PSD3: variants seen among roughly 807,000 people sequenced by gnomAD.
PSD3 encodes pleckstrin and Sec7 domain containing 3, also known as PH and SEC7 domain-containing protein 3.
PSD3 carries 49 observed loss-of-function variants against 105.5 expected under a neutral mutation model. The ratio of observed to expected loss-of-function variants is 0.46; its 90% CI spans 0.37 to 0.59. The LOEUF (loss-of-function observed/expected upper bound fraction) is 0.59. Ranked by LOEUF, PSD3 falls within the 20% of genes least tolerant of loss-of-function variation. The pLI is 0.00. For synonymous variants in PSD3, 557 were observed against 457.8 expected (o/e 1.22, Z -2.77); for missense variants, 1,561 against 1,263.8 (o/e 1.24, Z -3.57).
chr8:18,614,908 T>C (rs1042809100), intron 11 of PSD3, among the ~76,000 whole-genome samples: 1 of 151,930 alleles, frequency 6.6e-6, no homozygotes, highest in Non-Finnish European at 1.5e-5. Flanking sequence ...AGTGTTGAAA[T>C]TACAGGTGTG....
chr8:18,844,985 T>C (rs1814968359), intron 4 of PSD3, among the ~76,000 whole-genome samples: 1 of 152,216 alleles, frequency 6.6e-6, no homozygotes, highest in Non-Finnish European at 1.5e-5. Flanking sequence ...TGTACAGCCA[T>C]GGATGGCTCA....
intron 1 of PSD3, among the ~76,000 whole-genome samples, chr8:18,955,172 C>T (rs1361956050): frequency 6.6e-6 from 1 of 152,174 alleles, no homozygotes; most frequent in East Asian, 1.9e-4. Context: ...GAAGATTCCC[C>T]CGGCATCTCC....
At chr8:18,928,728 GTTTC>G (rs779955366) in intron 2 of PSD3, among the ~76,000 whole-genome samples, 26 of 143,900 alleles carry the variant, frequency 1.8e-4, no homozygotes, top group Admixed American at 3.5e-4. Flanking sequence ...TTCCTTCCTT[GTTTC>G]TTTCTTTCTT....
At chr8:19,007,867 G>A (rs986359900) in intron 1 of PSD3, among the ~76,000 whole-genome samples, 2 of 151,566 alleles carry the variant, frequency 1.3e-5, no homozygotes, top group Non-Finnish European at 2.9e-5. Flanking sequence ...TTTTTGAGAG[G>A]GAGTCTCGCT....
intron 9 of PSD3, chr8:18,763,004 A>C (rs1585879766): frequency 8.5e-6 from 8 of 938,062 alleles, no homozygotes; most frequent in Non-Finnish European, 1.2e-5. Flanking sequence ...TGGTTTCAGC[A>C]TCTTCTCCAA....
chr8:18,692,144 C>T (rs1222039101), intron 9 of PSD3, among the ~76,000 whole-genome samples: 1 of 152,182 alleles, frequency 6.6e-6, no homozygotes, highest in Non-Finnish European at 1.5e-5. Context: ...GACAAAACAT[C>T]TGTTTAAATT....
At chr8:19,029,903 T>C (rs1827698965) in intron 1 of PSD3, among the ~76,000 whole-genome samples, 1 of 152,248 alleles carries the variant, frequency 6.6e-6, no homozygotes, top group African/African-American at 2.4e-5. Context: ...AGTTTCTAAA[T>C]TAAAATCTTA....
At chr8:18,745,224 C>T (rs1240979659) in intron 9 of PSD3, among the ~76,000 whole-genome samples, 1 of 152,148 alleles carries the variant, frequency 6.6e-6, no homozygotes, top group East Asian at 1.9e-4. Context: ...CCTGTTTCTT[C>T]CCTAACTTTC....
chr8:18,907,305 T>C (rs1482822505), intron 2 of PSD3, among the ~76,000 whole-genome samples: 2 of 152,118 alleles, frequency 1.3e-5, no homozygotes, highest in African/African-American at 4.8e-5. Flanking sequence ...CCCTATATGA[T>C]GGTACAATTT....
chr8:18,985,122 T>C (rs914457873), intron 1 of PSD3, among the ~76,000 whole-genome samples: 1 of 152,142 alleles, frequency 6.6e-6, no homozygotes, highest in Admixed American at 6.5e-5. Flanking sequence ...TTAGTGGAGA[T>C]GGGGTTTCGC....
At chr8:18,562,588 ACTCAAAAC>A (rs1240472239) in intron 14 of PSD3, among the ~76,000 whole-genome samples, 1 of 151,934 alleles carries the variant, frequency 6.6e-6, no homozygotes, top group Non-Finnish European at 1.5e-5. Flanking sequence ...TCCAAATTCC[ACTCAAAAC>A]CTCTGTTACA....
chr8:18,797,250 G>C (rs1022454151), intron 8 of PSD3, among the ~76,000 whole-genome samples: 6 of 152,008 alleles, frequency 3.9e-5, no homozygotes, highest in Non-Finnish European at 8.8e-5. Context: ...TTAAAACAGA[G>C]AACTACTTAT....
intron 11 of PSD3, among the ~76,000 whole-genome samples, chr8:18,616,717 G>A (rs1022686166): frequency 4.2e-5 from 6 of 142,068 alleles, no homozygotes; most frequent in Admixed American, 2.2e-4. Flanking sequence ...TCCGCCTCCC[G>A]GGTTCACGCC....
chr8:18,707,962 T>A (rs1194378751), intron 9 of PSD3, among the ~76,000 whole-genome samples: 9 of 152,234 alleles, frequency 5.9e-5, no homozygotes, highest in Non-Finnish European at 1.2e-4. Flanking sequence ...AGAGGAAAGA[T>A]TAGGCAATGC....
At chr8:18,901,845 G>C (rs1819523033) in intron 2 of PSD3, among the ~76,000 whole-genome samples, 1 of 152,068 alleles carries the variant, frequency 6.6e-6, no homozygotes, top group African/African-American at 2.4e-5. Context: ...CTTTGACTAT[G>C]TATCAGCCCA....
intron 4 of PSD3, among the ~76,000 whole-genome samples, chr8:18,832,211 A>G: frequency 6.6e-6 from 1 of 152,174 alleles, no homozygotes. Flanking sequence ...TGGATGTATC[A>G]CTGCAACCCT....
At chr8:18,591,210 T>G (rs1025214398) in intron 12 of PSD3, among the ~76,000 whole-genome samples, 2 of 152,106 alleles carry the variant, frequency 1.3e-5, no homozygotes, top group African/African-American at 4.8e-5. Flanking sequence ...TCCCTGAAGC[T>G]AGCATGCCTC....
At chr8:18,900,557 C>T (rs973681904) in intron 2 of PSD3, among the ~76,000 whole-genome samples, 21 of 150,090 alleles carry the variant, frequency 1.4e-4, no homozygotes, top group African/African-American at 5.2e-4. Context: ...ACTAGTGGTA[C>T]TTTGTATGGG....
chr8:18,876,571 T>G (rs1174571600), intron 2 of PSD3, among the ~76,000 whole-genome samples: 1 of 152,008 alleles, frequency 6.6e-6, no homozygotes, highest in Non-Finnish European at 1.5e-5. Flanking sequence ...TTTTCTTTTT[T>G]TTTCTTTTGG....
Sources: gnomAD v4.1 joint callset for allele counts (sites outside exome capture counted in the v4.1 genomes callset) on GRCh38, gnomAD v4.1.1 for gene constraint, MANE v1.5 for transcripts, NCBI Gene and HGNC (gene_info 2026-07-23, HGNC 2026-07-21) for gene names.